Variants in CACNA2D2 observed in about 807,000 individuals in gnomAD.
CACNA2D2 encodes voltage-dependent calcium channel subunit alpha-2/delta-2.
Under a neutral mutation model 166.4 loss-of-function variants are expected in CACNA2D2, and 48 were observed. The observed-to-expected ratio is 0.29, with a 90% CI of 0.23 to 0.37. The LOEUF is 0.37. CACNA2D2 is among the 10% of genes least tolerant of loss of function. The probability of loss-of-function intolerance (pLI) is 1.00; values close to 1 mark genes in which losing one functional copy is unlikely to be tolerated. For missense variants in CACNA2D2, 1,122 were observed against 1,433.0 expected (o/e 0.78, Z 3.50); for synonymous variants, 561 against 573.7 (o/e 0.98, Z 0.32).
chr3:50,407,288 A>C (rs534182372), intron 3 of CACNA2D2, among the ~76,000 whole-genome samples: 5 of 151,936 alleles, frequency 3.3e-5, no homozygotes, highest in Admixed American at 1.3e-4. Context: ...TCAGGGCCAG[A>C]TCTCTCTCCT....
At chr3:50,495,105 C>T (rs980018913) in intron 1 of CACNA2D2, among the ~76,000 whole-genome samples, 1 of 152,242 alleles carries the variant, frequency 6.6e-6, no homozygotes, top group Admixed American at 6.5e-5. Context: ...TATGTGCAGC[C>T]ACAGATATGT....
At chr3:50,437,718 G>A (rs1708413646) in intron 2 of CACNA2D2, among the ~76,000 whole-genome samples, 1 of 152,120 alleles carries the variant, frequency 6.6e-6, no homozygotes, top group Admixed American at 6.5e-5. Flanking sequence ...AGGCCCAGCA[G>A]GAGCCCAGGA....
In CACNA2D2 at chr3:50,380,733, T is replaced by C; in HGVS notation, c.842+15A>G. 4 of 1,515,412 alleles carry C rather than the reference T, an allele frequency of 2.6e-6. No homozygotes were observed. The highest frequency in any genetic ancestry group is 3.5e-6 in the Non-Finnish European group (4 of 1,131,096). 93.9% of individuals were successfully genotyped at this position (1,515,412 alleles called of 1,614,324 possible). A position where few individuals can be genotyped will look rare whatever the true frequency, so the allele number is the denominator to read the frequency against. On this transcript the variant is annotated intron_variant, in intron 8 of 37. Coordinates refer to ENST00000424201, the MANE Select transcript of CACNA2D2 (RefSeq NM_006030.4). This position sits in a 1 kb window ranked among gnomAD's most constrained non-coding sequence, Gnocchi z 4.9. ...TGAGGGGGTGTCCCTCCCCAGCCCC[T>C]TCTTGCTCGCTCACCAGGGTCTCCT...
intron 22 of CACNA2D2, among the ~76,000 whole-genome samples, chr3:50,372,520 G>A (rs772597551): frequency 1.3e-5 from 2 of 152,222 alleles, no homozygotes; most frequent in East Asian, 1.9e-4. Context: ...GCATCAGGGC[G>A]TGAGGCTTCT....
rs750606010 is a variant in CACNA2D2 at position 50,379,814 on chromosome 3, C to T, written c.904G>A (p.Val302Met). The change falls in exon 10 of 38, where the codon GTG (valine) becomes ATG (methionine). Residue 302 changes from valine (V) to methionine (M), a missense_variant. Around this residue, in one of 2 missense-constraint regions of CACNA2D2, gnomAD observed 840 missense variants for 1,166.8 expected, o/e 0.72. Transcript: ENST00000424201. This position sits in a 1 kb window ranked among gnomAD's most constrained non-coding sequence, Gnocchi z 6.5. ...ATCAGCTTCAGGGTCAGGCCGCTCA[C>T]ACTGCCACTCCTGGAGAGGTCAGGC... ...MVIIVDVSGS[V>M]SGLTLKLMKT... The T allele has an allele frequency of 1.2e-6, 2 of 1,613,942 alleles. No individual in the cohort carries two copies. The highest frequency in any genetic ancestry group is 1.7e-6 in the Non-Finnish European group (2 of 1,180,018).
intron 1 of CACNA2D2, among the ~76,000 whole-genome samples, chr3:50,481,168 C>G (rs1048116556): frequency 6.6e-6 from 1 of 151,804 alleles, no homozygotes; most frequent in South Asian, 2.1e-4. Flanking sequence ...TCAGAGGGCA[C>G]GGGTGGGTGT....
At chr3:50,419,051 G>T (rs1707418074) in intron 3 of CACNA2D2, among the ~76,000 whole-genome samples, 1 of 152,164 alleles carries the variant, frequency 6.6e-6, no homozygotes, top group African/African-American at 2.4e-5. Flanking sequence ...GGAACATGGG[G>T]AGCTGGTGAC....
chr3:50,491,256 G>A (rs1698508465), intron 1 of CACNA2D2, among the ~76,000 whole-genome samples: 1 of 152,228 alleles, frequency 6.6e-6, no homozygotes, highest in African/African-American at 2.4e-5. Flanking sequence ...ACTGTCAGCT[G>A]CAGAAGGATC....
chr3:50,428,294 G>A (rs999230632), intron 3 of CACNA2D2, among the ~76,000 whole-genome samples: 2 of 152,164 alleles, frequency 1.3e-5, no homozygotes, highest in African/African-American at 2.4e-5. Flanking sequence ...CAGCAGTGCC[G>A]AGGCTGACGC....
At chr3:50,414,769 G>A (rs1305261150) in intron 3 of CACNA2D2, among the ~76,000 whole-genome samples, 14 of 152,232 alleles carry the variant, frequency 9.2e-5, no homozygotes, top group Admixed American at 9.2e-4. Context: ...ATTGCCAAGA[G>A]AAACATTTTT....
chr3:50,385,176 G>A (rs1705526862), intron 5 of CACNA2D2, among the ~76,000 whole-genome samples: 1 of 152,218 alleles, frequency 6.6e-6, no homozygotes, highest in Non-Finnish European at 1.5e-5. Context: ...TTGGGTGCAG[G>A]TGTGCAAGGG....
chr3:50,444,748 C>G (rs1265064573), intron 2 of CACNA2D2, among the ~76,000 whole-genome samples: 1 of 152,190 alleles, frequency 6.6e-6, no homozygotes, highest in Non-Finnish European at 1.5e-5. Context: ...AACATGAGAT[C>G]TTAGCATGGC....
chr3:50,462,537 T>C (rs1270618991), intron 2 of CACNA2D2, among the ~76,000 whole-genome samples: 1 of 152,042 alleles, frequency 6.6e-6, no homozygotes, highest in Non-Finnish European at 1.5e-5. Context: ...CTGAATTGCA[T>C]TTGCTGGGTC....
chr3:50,451,178 T>C (rs950958160), intron 2 of CACNA2D2, among the ~76,000 whole-genome samples: 16 of 151,606 alleles, frequency 1.1e-4, no homozygotes, highest in African/African-American at 3.9e-4. Flanking sequence ...CAGGCTGGAG[T>C]GCAATGGCGC....
Position 50,367,621 on chromosome 3 carries a change from G to A in CACNA2D2, c.2297+21C>T, listed in dbSNP as rs1476863141. ...GTTCCCTGGCAGGGGCAGGGTTTGGGTAGTGGGATAGGTCACTTACTTGTT... is the reference window on the plus strand; with the variant it reads ...GTTCCCTGGCAGGGGCAGGGTTTGGATAGTGGGATAGGTCACTTACTTGTT... On this transcript the variant is annotated intron_variant, in intron 26 of 37. Coordinates refer to ENST00000424201, the MANE Select transcript of CACNA2D2 (RefSeq NM_006030.4). This position sits in a 1 kb window ranked among gnomAD's most constrained non-coding sequence, Gnocchi z 6.5. 5 of 1,610,912 alleles carry A rather than the reference G, an allele frequency of 3.1e-6. No individual in the cohort carries two copies. The African/African-American group carries it at 4.0e-5, about 13-fold the overall frequency.
intron 2 of CACNA2D2, among the ~76,000 whole-genome samples, chr3:50,466,032 G>A (rs1259901244): frequency 2.0e-5 from 3 of 152,158 alleles, no homozygotes; most frequent in African/African-American, 7.2e-5. Flanking sequence ...TCTCTCATCT[G>A]TGAAATGGGG....
At chr3:50,378,782 G>A (rs1426753074) in intron 13 of CACNA2D2, 133 bp downstream of exon 13, 42 of 1,046,364 alleles carry the variant, frequency 4.0e-5, no homozygotes, top group Middle Eastern at 2.9e-4. Context: ...GGACAGCCTC[G>A]TGGATGGGAG....
At chr3:50,384,133 C>T in intron 6 of CACNA2D2, 63 bp downstream of exon 6, 1 of 1,593,218 alleles carries the variant, frequency 6.3e-7, no homozygotes, top group Non-Finnish European at 8.6e-7. Flanking sequence ...CTGGAATGCC[C>T]TGGCAGTGGG....
chr3:50,364,788 C>T lies in CACNA2D2; in HGVS notation c.3310G>A (p.Gly1104Ser). The T allele has an allele frequency of 6.2e-7, 1 of 1,606,282 alleles. No homozygotes were observed. Among genetic ancestry groups the T allele is most frequent in the South Asian group, 1.1e-5 (1 of 90,240 alleles). Residue 1104 changes from glycine to serine, a missense_variant, in exon 38 of 38, where the codon GGC becomes AGC. Gly to Ser is a moderately conservative substitution (Grantham distance 56). Transcript: ENST00000424201. ...YNATEDTSDC[G>S]RGASFPPSLG... is the part of the protein sequence containing the mutation. ...GACGGCGGGAAGGAGGCCCCGCGGCCACAGTCTGAGGTATCTTCCTGCGGG... is the reference window on the plus strand; with the variant it reads ...GACGGCGGGAAGGAGGCCCCGCGGCTACAGTCTGAGGTATCTTCCTGCGGG...
Sources: gnomAD v4.1 joint callset for allele counts (sites outside exome capture counted in the v4.1 genomes callset) on GRCh38, gnomAD v4.1.1 for gene constraint, gnomAD v4.1.1 regional missense constraint, Gnocchi (gnomAD v3.1) non-coding constraint, MANE v1.5 for transcripts, NCBI Gene and HGNC (gene_info 2026-07-23, HGNC 2026-07-21) for gene names.